ATP2B4: variants seen among roughly 807,000 people sequenced by gnomAD.
ATP2B4 encodes the protein ATPase plasma membrane Ca2+ transporting 4, also known as plasma membrane calcium-transporting ATPase 4.
ATP2B4 carries 39 observed loss-of-function variants against 110.3 expected under a neutral mutation model. The ratio of observed to expected loss-of-function variants is 0.35; its 90% CI spans 0.27 to 0.46. The LOEUF (loss-of-function observed/expected upper bound fraction) is 0.46. Ranked by LOEUF, ATP2B4 falls within the 20% of genes least tolerant of loss-of-function variation. The pLI is 1.00. For synonymous variants in ATP2B4, 538 were observed against 571.7 expected, an observed-to-expected ratio of 0.94 and a Z score of 0.84; for missense variants, 1,135 against 1,530.9, an observed-to-expected ratio of 0.74 and a Z score of 4.32.
At chr1:203,648,444 GT>G (rs1253720907) in intron 1 of ATP2B4, among the ~76,000 whole-genome samples, 1 of 152,168 alleles carries the variant, frequency 6.6e-6, no homozygotes, top group African/African-American at 2.4e-5. Context: ...GAAAGTCCCT[GT>G]GCTTGTGGTG....
In ATP2B4 at chr1:203,671,353, A is replaced by C. The variant is rs1664655541; in HGVS notation, c.-464-11389A>C. On this transcript the variant is annotated intron_variant, in intron 1 of 20. Coordinates refer to ENST00000357681, the MANE Select transcript of ATP2B4 (RefSeq NM_001684.5). ...TTATTTTGTTTAGATAAAAAAAATA[A>C]GTCTCACTATGTTGCCAAGGCTGAT... Among the ~76,000 whole-genome samples the C allele has an allele frequency of 1.3e-5, 2 of 152,268 alleles. 1 individual carries two copies. The highest frequency in any genetic ancestry group is 2.9e-5 in the Non-Finnish European group (2 of 68,024).
chr1:203,692,360 G>A (rs1665405665), intron 2 of ATP2B4, among the ~76,000 whole-genome samples: 1 of 152,018 alleles, frequency 6.6e-6, no homozygotes, highest in South Asian at 2.1e-4. Context: ...TTTATTATTT[G>A]TAGAGACAGA....
At chr1:203,729,756 A>G (rs1052967500) in intron 20 of ATP2B4, 6 of 1,346,596 alleles carry the variant, frequency 4.5e-6, no homozygotes, top group South Asian at 2.3e-5. Context: ...CTCACATCCA[A>G]TTGGGCAGGC....
At chr1:203,704,937 G>A (rs1331023603) in intron 8 of ATP2B4, among the ~76,000 whole-genome samples, 2 of 152,096 alleles carry the variant, frequency 1.3e-5, no homozygotes, top group African/African-American at 2.4e-5. Flanking sequence ...TGTGGAGCCC[G>A]AGATTCTGCA....
chr1:203,727,441 C>T lies in ATP2B4; in HGVS notation c.3179C>T (p.Ala1060Val), dbSNP rs1267763522. The T allele has an allele frequency of 6.2e-7, 1 of 1,614,212 alleles. No individual in the cohort carries two copies. Among genetic ancestry groups the T allele is most frequent in the Non-Finnish European group, 8.5e-7 (1 of 1,180,016 alleles). Residue 1060 changes from alanine (A) to valine (V), a missense_variant, in exon 20 of 21, where the codon GCT becomes GTT. By Grantham distance (64) the Ala-to-Val change is moderately conservative. Transcript: ENST00000357681. ...CGATCCCTGAAGTTCCTGAAGGAGG[C>T]TGGGCATGGCACCACCAAAGAGGAG... ...PTRSLKFLKE[A>V]GHGTTKEEIT...
chr1:203,665,161 A>G (rs921660275), intron 1 of ATP2B4, among the ~76,000 whole-genome samples: 2 of 152,186 alleles, frequency 1.3e-5, no homozygotes, highest in Admixed American at 6.5e-5. Flanking sequence ...AATATAGCCC[A>G]CAGGAGCAAG....
At position 203,710,867 on chromosome 1, in the gene ATP2B4, G is replaced by A. The variant is rs202188232; in HGVS notation, c.1800-10G>A. The A allele has an allele frequency of 5.8e-5, 92 of 1,596,578 alleles. 1 individual carries two copies. The highest frequency in any genetic ancestry group is 3.8e-4 in the East Asian group (17 of 44,702). ...GGGAGACACCGCGTTCTTACTGTGC[G>A]CCTCCCCAGGTGTAATCGAATCCTG... On this transcript the variant is annotated splice_polypyrimidine_tract_variant and intron_variant, in intron 11 of 20. Transcript: ENST00000357681.
intron 2 of ATP2B4, among the ~76,000 whole-genome samples, chr1:203,691,772 T>A (rs1665383331): frequency 6.6e-6 from 1 of 152,212 alleles, no homozygotes; most frequent in Admixed American, 6.5e-5. Flanking sequence ...AAGAGTAGCA[T>A]TCGGTTATTA....
At chr1:203,691,748 T>A (rs1053476000) in intron 2 of ATP2B4, among the ~76,000 whole-genome samples, 3 of 152,210 alleles carry the variant, frequency 2.0e-5, no homozygotes, top group Non-Finnish European at 2.9e-5. Flanking sequence ...GCAGGGAAAC[T>A]GCTGTATACT....
At position 203,703,675 on chromosome 1, in the gene ATP2B4, C is replaced by A; in HGVS notation, c.961C>A (p.Leu321Met). 6.2e-7 allele frequency: 1 copy of A among 1,614,056 alleles called. No homozygotes were observed. Among genetic ancestry groups the A allele is most frequent in the Non-Finnish European group, 8.5e-7 (1 of 1,179,980 alleles). ...NKAKTQDGVA[L>M]EIQPLNSQEG... is the part of the protein sequence containing the mutation. ...AGCAAAGACCCAAGACGGAGTGGCC[C>A]TGGAAATCCAGCCACTCAACAGCCA... The change falls in exon 8 of 21, where the codon CTG becomes ATG. Residue 321 changes from leucine to methionine, a missense_variant. This residue lies in a region of ATP2B4 where 162 missense variants were observed against 210.5 expected (regional missense o/e 0.77). Transcript: ENST00000357681.
At chr1:203,650,983 A>G (rs1290634868) in intron 1 of ATP2B4, among the ~76,000 whole-genome samples, 2 of 152,154 alleles carry the variant, frequency 1.3e-5, no homozygotes, top group African/African-American at 4.8e-5. Flanking sequence ...TGTGTTGCCC[A>G]GGCTGCTCTC....
intron 2 of ATP2B4, 104 bp from the exon 3 acceptor site, chr1:203,698,053 C>A: frequency 1.1e-6 from 1 of 948,444 alleles, no homozygotes; most frequent in Non-Finnish European, 1.6e-6. Flanking sequence ...GTTGCCCAGG[C>A]TAGAGTGTAA....
At chr1:203,639,082 G>T (rs576728118) in intron 1 of ATP2B4, among the ~76,000 whole-genome samples, 1 of 152,116 alleles carries the variant, frequency 6.6e-6, no homozygotes, top group African/African-American at 2.4e-5. Flanking sequence ...TTTCCTCAGG[G>T]TGTGCCTCCT....
intron 20 of ATP2B4, among the ~76,000 whole-genome samples, chr1:203,738,420 T>C (rs571347877): frequency 1.3e-5 from 2 of 152,228 alleles, no homozygotes; most frequent in Non-Finnish European, 2.9e-5. Flanking sequence ...TTATTGTCAG[T>C]TTTTTCTTGA....
rs560884435 is a variant in ATP2B4, at chr1:203,677,716, G to A, written c.-464-5026G>A. ...TGACCTCAGGTGATCCGCCCACCTC[G>A]GCCTCCCAAAGTGCTGGGATTACAA... On this transcript the variant is annotated intron_variant, in intron 1 of 20. Coordinates refer to ENST00000357681, the MANE Select transcript of ATP2B4 (RefSeq NM_001684.5). Among the ~76,000 whole-genome samples, 6 of 152,204 alleles carry A rather than the reference G, an allele frequency of 3.9e-5. No homozygotes were observed. The South Asian group carries it at 6.2e-4, about 16-fold the overall frequency.
chr1:203,645,651 G>A (rs926024540), intron 1 of ATP2B4, among the ~76,000 whole-genome samples: 4 of 150,430 alleles, frequency 2.7e-5, no homozygotes, highest in Admixed American at 6.6e-5. Flanking sequence ...GAATGCAGTG[G>A]CATAATCTCG....
At chr1:203,666,157 T>C (rs1664496181) in intron 1 of ATP2B4, among the ~76,000 whole-genome samples, 1 of 152,226 alleles carries the variant, frequency 6.6e-6, no homozygotes, top group African/African-American at 2.4e-5. Context: ...TGAGCAACTC[T>C]GTCTCCTTTC....
At chr1:203,733,172 C>G (rs765820572) in intron 20 of ATP2B4, 2 of 1,547,960 alleles carry the variant, frequency 1.3e-6, no homozygotes, top group Admixed American at 3.5e-5. Context: ...TTCTTCACCT[C>G]TCTCGGACTG....
chr1:203,708,032 C>T lies in ATP2B4; in HGVS notation c.1485C>T (p.Val495=). 1 of 1,614,212 alleles carries T rather than the reference C, an allele frequency of 6.2e-7. No individual in the cohort carries two copies. ...IHYRQIPSPD[V]FLPKVLDLIV... ...ACCGTCAAATCCCAAGCCCTGATGTCTTCCTGCCCAAAGTCCTGGACCTCA... is the reference window on the plus strand; with the variant it reads ...ACCGTCAAATCCCAAGCCCTGATGTTTTCCTGCCCAAAGTCCTGGACCTCA... The change falls in exon 10 of 21, where the codon GTC becomes GTT. Residue 495 remains valine (V), a synonymous_variant. Coordinates refer to ENST00000357681, the MANE Select transcript of ATP2B4 (RefSeq NM_001684.5).
Sources: allele counts gnomAD v4.1 joint callset (sites outside exome capture counted in the v4.1 genomes callset), GRCh38; gene constraint gnomAD v4.1.1; regional missense constraint gnomAD v4.1.1; transcripts MANE v1.5; gene names NCBI Gene and HGNC (gene_info 2026-07-23, HGNC 2026-07-21).